Variants in ARHGAP23 observed in about 807,000 individuals in gnomAD.
ARHGAP23 encodes rho GTPase-activating protein 23.
ARHGAP23 carries 34 observed loss-of-function variants against 136.3 expected under a neutral mutation model. That is an observed-to-expected ratio of 0.25 (90% confidence interval 0.19 to 0.33). The LOEUF (loss-of-function observed/expected upper bound fraction) is 0.33. ARHGAP23 is among the 10% of genes least tolerant of loss of function. The pLI, the probability that ARHGAP23 is intolerant of heterozygous loss-of-function variation, is 1.00. For missense variants in ARHGAP23, 1,808 were observed against 2,139.0 expected (o/e 0.85, Z 3.05); for synonymous variants, 832 against 920.5 (o/e 0.90, Z 1.74).
In ARHGAP23 at chr17:38,447,437, GAAAA is replaced by G. The variant is rs71138625; in HGVS notation, c.64-10640_64-10637del. ...AGCCTGGGCAACAGAGACTCCGTCT[GAAAA>G]AAAAAAAAAAAAAAAAAAAAAAAAG... On this transcript the variant is annotated intron_variant, in intron 1 of 23. Coordinates refer to ENST00000622683, the MANE Select transcript of ARHGAP23 (RefSeq NM_001199417.2). Among the ~76,000 whole-genome samples, 211 of 25,610 alleles carry G rather than the reference GAAAA, an allele frequency of 8.2e-3. 3 individuals are homozygous for G. Among genetic ancestry groups the G allele is most frequent in the Non-Finnish European group, 0.012 (171 of 13,818 alleles). 16.8% of individuals were successfully genotyped at this position (25,610 alleles called of 152,430 possible).
At chr17:38,447,325 C>A (rs190120652) in intron 1 of ARHGAP23, among the ~76,000 whole-genome samples, 97 of 150,456 alleles carry the variant, frequency 6.4e-4, no homozygotes, top group Admixed American at 1.6e-3. Flanking sequence ...GCCTGTAATC[C>A]CAGCTACTCG....
At chr17:38,473,401 G>A (rs1269391735) in intron 11 of ARHGAP23, among the ~76,000 whole-genome samples, 1 of 152,124 alleles carries the variant, frequency 6.6e-6, no homozygotes, top group African/African-American at 2.4e-5. Context: ...TACCTTCCCT[G>A]AGCCTCACTT....
intron 1 of ARHGAP23, among the ~76,000 whole-genome samples, chr17:38,442,559 A>G (rs72834056): frequency 0.052 from 7,892 of 152,314 alleles, 265 homozygotes; most frequent in Middle Eastern, 0.16. Flanking sequence ...AAATAAGTAG[A>G]CACTGACAAG....
At chr17:38,482,707 A>T (rs2303992) in intron 16 of ARHGAP23, 29 bp downstream of exon 16, 99 of 1,534,630 alleles carry the variant, frequency 6.5e-5, no homozygotes, top group Non-Finnish European at 8.5e-5. Flanking sequence ...TCTGTGGAAG[A>T]GGGGCTGAGA....
At chr17:38,443,195 C>G (rs924581263) in intron 1 of ARHGAP23, among the ~76,000 whole-genome samples, 2 of 152,238 alleles carry the variant, frequency 1.3e-5, no homozygotes, top group Non-Finnish European at 2.9e-5. Flanking sequence ...ACCATCCTCC[C>G]TGTCCCCAAG....
At chr17:38,441,590 T>G (rs749038019) in intron 1 of ARHGAP23, among the ~76,000 whole-genome samples, 4 of 152,204 alleles carry the variant, frequency 2.6e-5, no homozygotes, top group Non-Finnish European at 5.9e-5. Flanking sequence ...AGGCGTATAA[T>G]GAGGTGGCCG....
intron 17 of ARHGAP23, among the ~76,000 whole-genome samples, chr17:38,487,638 G>A (rs1237467766): frequency 2.0e-5 from 3 of 152,066 alleles, no homozygotes; most frequent in Non-Finnish European, 4.4e-5. Flanking sequence ...AGGCTGAGGC[G>A]GGTGGATCAC....
intron 23 of ARHGAP23, among the ~76,000 whole-genome samples, chr17:38,505,566 T>C (rs375703807): frequency 6.6e-6 from 1 of 152,164 alleles, no homozygotes; most frequent in Admixed American, 6.5e-5. Context: ...GAGAACTGGC[T>C]GTGAAAATTT....
rs1466056946 is a variant in ARHGAP23, at chr17:38,491,295, C to T, written c.3151-112C>T. Reference sequence around the variant, plus strand: ...ATGCCCATACAAGGGGGTGTCCACCCTCTAAGCTGGGGACTGGTGAGGATG... The same window carrying T: ...ATGCCCATACAAGGGGGTGTCCACCTTCTAAGCTGGGGACTGGTGAGGATG... On this transcript the variant is annotated intron_variant, in intron 19 of 23. Transcript: ENST00000622683. 5 of 1,427,040 alleles carry T rather than the reference C, an allele frequency of 3.5e-6. No individual in the cohort carries two copies. The East Asian group carries it at 1.2e-4, about 35-fold the overall frequency. The allele number at this position is 1,427,040 out of a possible 1,614,324, so 88.4% of individuals were successfully genotyped here.
At chr17:38,473,334 C>T (rs2039809674) in intron 11 of ARHGAP23, among the ~76,000 whole-genome samples, 1 of 152,072 alleles carries the variant, frequency 6.6e-6, no homozygotes, top group African/African-American at 2.4e-5. Context: ...TTGAAGCAGA[C>T]AGACTTTGAG....
intron 20 of ARHGAP23, 91 bp downstream of exon 20, chr17:38,491,623 G>A (rs2040281763): frequency 1.3e-6 from 2 of 1,516,334 alleles, no homozygotes; most frequent in Admixed American, 2.1e-5. Context: ...CTGGCGGAGT[G>A]TGCCCCAGGA....
At chr17:38,505,615 A>C (rs1458741129) in intron 23 of ARHGAP23, among the ~76,000 whole-genome samples, 1 of 152,190 alleles carries the variant, frequency 6.6e-6, no homozygotes, top group East Asian at 1.9e-4. Flanking sequence ...GGGATTCCCT[A>C]TCTACTTCAG....
intron 7 of ARHGAP23, 98 bp from the exon 8 acceptor site, chr17:38,469,046 C>T: frequency 1.1e-5 from 15 of 1,315,730 alleles, no homozygotes; most frequent in Non-Finnish European, 1.6e-5. Context: ...TGTGTCTGAG[C>T]CTGGAGGCGA....
chr17:38,476,906 G>A (rs1322927688), intron 11 of ARHGAP23, among the ~76,000 whole-genome samples: 1 of 152,156 alleles, frequency 6.6e-6, no homozygotes, highest in Non-Finnish European at 1.5e-5. Context: ...GTAGAGGGTG[G>A]GGGAGGGCAA....
chr17:38,440,864 C>T (rs1303894966), intron 1 of ARHGAP23, among the ~76,000 whole-genome samples: 3 of 152,196 alleles, frequency 2.0e-5, no homozygotes, highest in Admixed American at 2.0e-4. Flanking sequence ...GACCTGTGAG[C>T]TCCAAGGAGA....
At chr17:38,474,315 G>T (rs2039837720) in intron 11 of ARHGAP23, among the ~76,000 whole-genome samples, 1 of 152,214 alleles carries the variant, frequency 6.6e-6, no homozygotes, top group Non-Finnish European at 1.5e-5. Flanking sequence ...GTCCAGGTGA[G>T]TGAGGCTGGG....
intron 1 of ARHGAP23, among the ~76,000 whole-genome samples, chr17:38,429,787 T>C (rs1193468376): frequency 1.3e-5 from 2 of 152,072 alleles, no homozygotes; most frequent in Non-Finnish European, 2.9e-5. Flanking sequence ...ATACTTCATC[T>C]CTATCCCCTG....
chr17:38,457,925 G>A (rs751091232), intron 1 of ARHGAP23, 177 bp from the exon 2 acceptor site: 10 of 663,314 alleles, frequency 1.5e-5, no homozygotes, highest in East Asian at 1.1e-4. Context: ...GGCTGATGAA[G>A]GTGGGAGAGT....
At chr17:38,422,773 T>G (rs1376231388) in intron 1 of ARHGAP23, among the ~76,000 whole-genome samples, 1 of 152,190 alleles carries the variant, frequency 6.6e-6, no homozygotes, top group Non-Finnish European at 1.5e-5. Flanking sequence ...CAAGGGGTGT[T>G]CAGGTGGGAT....
Sources: allele counts gnomAD v4.1 joint callset (sites outside exome capture counted in the v4.1 genomes callset), GRCh38; gene constraint gnomAD v4.1.1; transcripts MANE v1.5; gene names NCBI Gene and HGNC (gene_info 2026-07-23, HGNC 2026-07-21).